Variants in NUBP1 observed in about 807,000 individuals in gnomAD.
The protein encoded by NUBP1 is cytosolic Fe-S cluster assembly factor NUBP1.
A neutral mutation model predicts 41.8 loss-of-function variants in NUBP1; 46 were observed. That is an observed-to-expected ratio of 1.10 (90% CI 0.87 to 1.41). NUBP1 has a LOEUF of 1.41. Among genes scored for constraint, NUBP1 ranks in the 40% most tolerant of loss-of-function variants. The probability of loss-of-function intolerance (pLI) is 0.00; values close to 1 mark genes in which losing one functional copy is unlikely to be tolerated. For missense variants in NUBP1, 494 were observed against 414.0 expected, an observed-to-expected ratio of 1.19 and a Z score of -1.68; for synonymous variants, 189 against 154.6, an observed-to-expected ratio of 1.22 and a Z score of -1.65.
rs747757783 is a variant in NUBP1 at position 10,747,135 on chromosome 16, C to A, written c.125-8C>A. On this transcript the variant is annotated splice_region_variant and splice_polypyrimidine_tract_variant and intron_variant, in intron 2 of 10. Transcript: ENST00000283027. ...ACCTCATCCCCTGAACTTTGGTTTT[C>A]TTTGCAGCTATAGAGGAAATCAAAG... 2.5e-6 allele frequency: 4 copies of A among 1,613,612 alleles called. No individual in the cohort carries two copies. The highest frequency in any genetic ancestry group is 2.5e-6 in the Non-Finnish European group (3 of 1,179,754).
chr16:10,752,339 G>A lies in NUBP1; in HGVS notation c.259-271G>A, dbSNP rs140459660. Among the ~76,000 whole-genome samples, 654 of 152,208 alleles carry A rather than the reference G, an allele frequency of 4.3e-3. 5 individuals carry two copies. Among genetic ancestry groups the A allele is most frequent in the African/African-American group, 0.015 (611 of 41,518 alleles). ...GGCTCAGTAAACAAGGTCTGAGCCCGAGCCTCCAAGTGACCTGACAGCCAG... is the reference window on the plus strand; with the variant it reads ...GGCTCAGTAAACAAGGTCTGAGCCCAAGCCTCCAAGTGACCTGACAGCCAG... On this transcript the variant is annotated intron_variant, in intron 3 of 10. Coordinates refer to ENST00000283027, the MANE Select transcript of NUBP1 (RefSeq NM_002484.4).
At position 10,749,134 on chromosome 16, in the gene NUBP1, C is replaced by G. The variant is rs797007826; in HGVS notation, c.258+1858C>G. On this transcript the variant is annotated intron_variant, in intron 3 of 10. Transcript: ENST00000283027. This position sits in a 1 kb window ranked among gnomAD's most constrained non-coding sequence, Gnocchi z 4.1. ...ATAGATACACAGACACATACACACA[C>G]ACACACACACACACACACACACACA... Among the ~76,000 whole-genome samples, 934 of 112,798 alleles carry G rather than the reference C, an allele frequency of 8.3e-3. 12 individuals are homozygous for G. Among genetic ancestry groups the G allele is most frequent in the African/African-American group, 0.029 (819 of 28,696 alleles). 74.0% of individuals were successfully genotyped at this position (112,798 alleles called of 152,430 possible).
chr16:10,753,423 CTGG>C (rs1259551116), intron 4 of NUBP1, among the ~76,000 whole-genome samples: 1 of 152,066 alleles, frequency 6.6e-6, no homozygotes, highest in Non-Finnish European at 1.5e-5. Context: ...GCGATGTGGG[CTGG>C]GGGCAGGGCT....
chr16:10,748,292 T>G (rs981122158), intron 3 of NUBP1, among the ~76,000 whole-genome samples: 2 of 152,180 alleles, frequency 1.3e-5, no homozygotes, highest in Admixed American at 1.3e-4. Flanking sequence ...TACCTACATA[T>G]GATCCTTGAT....
At chr16:10,756,036 GTGGGCCAGATT>G (rs1208253696) in intron 5 of NUBP1, among the ~76,000 whole-genome samples, 2 of 152,204 alleles carry the variant, frequency 1.3e-5, no homozygotes, top group Non-Finnish European at 2.9e-5. Context: ...AACACAGATG[GTGGGCCAGATT>G]TGGCCCTGAA....
In NUBP1 at chr16:10,757,504, C is replaced by T. The variant is rs1265699942; in HGVS notation, c.452-369C>T. On this transcript the variant is annotated intron_variant, in intron 6 of 10. Transcript: ENST00000283027. This position sits in a 1 kb window ranked among gnomAD's most constrained non-coding sequence, Gnocchi z 4.1. Reference sequence around the variant, plus strand: ...GGGGGGAGGAGTAGACCGTGTTCTACACCATAGGGTGTTAAACAGTGTCCC... The same window carrying T: ...GGGGGGAGGAGTAGACCGTGTTCTATACCATAGGGTGTTAAACAGTGTCCC... 6.6e-6 allele frequency among the ~76,000 whole-genome samples: 1 copy of T among 152,116 alleles called. No individual in the cohort carries two copies. Among genetic ancestry groups the T allele is most frequent in the Non-Finnish European group, 1.5e-5 (1 of 68,014 alleles).
rs1051818625 is a variant in NUBP1 at position 10,768,898 on chromosome 16, A to G, written c.905-149A>G. ...TGTGAGGTATTCCGGTCACTTTCAA[A>G]GACTCAGGGCATCACAGACACAGGT... On this transcript the variant is annotated intron_variant, in intron 10 of 10. Coordinates refer to ENST00000283027, the MANE Select transcript of NUBP1 (RefSeq NM_002484.4). This position sits in a 1 kb window ranked among gnomAD's most constrained non-coding sequence, Gnocchi z 4.3. 4.5e-6 allele frequency: 3 copies of G among 668,458 alleles called. No homozygotes were observed. The highest frequency in any genetic ancestry group is 7.9e-6 in the Non-Finnish European group (3 of 379,244). The allele number at this position is 668,458 out of a possible 1,614,324, so 41.4% of individuals were successfully genotyped here. A position where few individuals can be genotyped will look rare whatever the true frequency, so the allele number is the denominator to read the frequency against.
intron 4 of NUBP1, among the ~76,000 whole-genome samples, chr16:10,755,095 T>C (rs9937651): frequency 0.26 from 39,579 of 152,184 alleles, 5,360 homozygotes; most frequent in South Asian, 0.35. Flanking sequence ...TGCTTGTGAC[T>C]GTACAGAAAG....
rs1009518308 is a variant in NUBP1, at chr16:10,767,355, G to A, written c.821-594G>A. 1 of 399,728 alleles carries A rather than the reference G, an allele frequency of 2.5e-6. No individual in the cohort carries two copies. Among genetic ancestry groups the A allele is most frequent in the Non-Finnish European group, 4.4e-6 (1 of 226,916 alleles). 24.8% of individuals were successfully genotyped at this position (399,728 alleles called of 1,614,324 possible). The stretch of plus-strand genomic sequence containing the variant: ...ATGGCCACATGGCGGGGAAAGACTA[G>A]CAGACTGATAGACACCAGCACAGAT... On this transcript the variant is annotated intron_variant, in intron 9 of 10. Transcript: ENST00000283027. The surrounding 1 kb of genome is among the most constrained non-coding windows in gnomAD (Gnocchi z 4.6).
chr16:10,749,456 G>A lies in NUBP1; in HGVS notation c.258+2180G>A, dbSNP rs1814267. On this transcript the variant is annotated intron_variant, in intron 3 of 10. Coordinates refer to ENST00000283027, the MANE Select transcript of NUBP1 (RefSeq NM_002484.4). The surrounding 1 kb of genome is among the most constrained non-coding windows in gnomAD (Gnocchi z 4.1). ...GCTGCATGCCTGTCTAGACTTTGCA[G>A]TATACAGAAGGAAAGCACACCATTC... is the stretch of plus-strand genomic sequence containing the variant. 0.17 allele frequency among the ~76,000 whole-genome samples: 26,012 copies of A among 152,042 alleles called. 3,269 individuals are homozygous for A. The highest frequency in any genetic ancestry group is 0.35 in the African/African-American group (14,425 of 41,448).
chr16:10,745,762 T>C (rs2541465), intron 2 of NUBP1, among the ~76,000 whole-genome samples: 26,681 of 152,160 alleles, frequency 0.18, 3,466 homozygotes, highest in African/African-American at 0.36. Context: ...AAAGTAAACA[T>C]TCAAAAGAGG....
At chr16:10,747,706 G>A (rs763002483) in intron 3 of NUBP1, among the ~76,000 whole-genome samples, 2 of 152,198 alleles carry the variant, frequency 1.3e-5, no homozygotes, top group African/African-American at 4.8e-5. Flanking sequence ...AGAGAGCAAA[G>A]AAATGCCCAG....
chr16:10,755,867 A>G (rs1396106176), intron 5 of NUBP1, 114 bp downstream of exon 5: 4 of 975,594 alleles, frequency 4.1e-6, no homozygotes, highest in Non-Finnish European at 6.4e-6. Context: ...CGAGGCACAG[A>G]GGATGTGATT....
In NUBP1 at chr16:10,768,142, G is replaced by C; in HGVS notation, c.904+110G>C. On this transcript the variant is annotated intron_variant, in intron 10 of 10. Transcript: ENST00000283027. This position sits in a 1 kb window ranked among gnomAD's most constrained non-coding sequence, Gnocchi z 4.3. ...GGTGGTGGGGTCTGTGATGACCACA[G>C]AGTGGCCCCCATAGCCGAGGAAGCC... 1 of 949,472 alleles carries C rather than the reference G, an allele frequency of 1.1e-6. No homozygotes were observed. Among genetic ancestry groups the C allele is most frequent in the Non-Finnish European group, 1.6e-6 (1 of 610,172 alleles). 58.8% of individuals were successfully genotyped at this position (949,472 alleles called of 1,614,324 possible). A position where few individuals can be genotyped will look rare whatever the true frequency, so the allele number is the denominator to read the frequency against.
intron 2 of NUBP1, among the ~76,000 whole-genome samples, chr16:10,745,797 A>T (rs1018361502): frequency 6.6e-6 from 1 of 152,266 alleles, no homozygotes; most frequent in East Asian, 1.9e-4. Context: ...TTAATTAGGC[A>T]GACGTCTCAG....
At chr16:10,758,938 G>A (rs1197419845) in intron 7 of NUBP1, among the ~76,000 whole-genome samples, 2 of 152,196 alleles carry the variant, frequency 1.3e-5, no homozygotes, top group Admixed American at 6.5e-5. Context: ...CCTGCAGAGA[G>A]CAACTGCAGG....
rs374598413 is a variant in NUBP1 at position 10,757,151 on chromosome 16, A to G, written c.451+371A>G. Among the ~76,000 whole-genome samples, 32 of 152,210 alleles carry G rather than the reference A, an allele frequency of 2.1e-4. No homozygotes were observed. Among genetic ancestry groups the G allele is most frequent in the African/African-American group, 7.7e-4 (32 of 41,528 alleles). The stretch of plus-strand genomic sequence containing the variant: ...CCTGTCTCTACCAAAAACATAAAAA[A>G]TTAGCCGAGCATGGTGGCACGTACC... On this transcript the variant is annotated intron_variant, in intron 6 of 10. Coordinates refer to ENST00000283027, the MANE Select transcript of NUBP1 (RefSeq NM_002484.4). This position sits in a 1 kb window ranked among gnomAD's most constrained non-coding sequence, Gnocchi z 4.1.
In NUBP1 at chr16:10,766,427, C is replaced by A. The variant is rs765774406; in HGVS notation, c.821-1522C>A. Among the ~76,000 whole-genome samples, 1 of 152,112 alleles carries A rather than the reference C, an allele frequency of 6.6e-6. No homozygotes were observed. The highest frequency in any genetic ancestry group is 1.5e-5 in the Non-Finnish European group (1 of 68,018). Reference sequence around the variant, plus strand: ...GAAATGCAGTTAGGAAGGGAAAACACTAGAGCATATATGTGTGTTGGGGGC... The same window carrying A: ...GAAATGCAGTTAGGAAGGGAAAACAATAGAGCATATATGTGTGTTGGGGGC... On this transcript the variant is annotated intron_variant, in intron 9 of 10. Transcript: ENST00000283027. This position sits in a 1 kb window ranked among gnomAD's most constrained non-coding sequence, Gnocchi z 4.8.
rs114247833 is a variant in NUBP1, at chr16:10,761,877, G to T, written c.820+18G>T. The T allele has an allele frequency of 2.9e-3, 4,697 of 1,597,140 alleles. 134 individuals are homozygous for T. The African/African-American group carries it at 0.053, about 18-fold the overall frequency. ...GCTCATAGGTGGGTGACCCCAGTGT[G>T]GGGCGGCACCTCACTCCTCGGTCAG... On this transcript the variant is annotated intron_variant, in intron 9 of 10. Coordinates refer to ENST00000283027, the MANE Select transcript of NUBP1 (RefSeq NM_002484.4).
Sources: allele counts gnomAD v4.1 joint callset (sites outside exome capture counted in the v4.1 genomes callset), GRCh38; gene constraint gnomAD v4.1.1; non-coding constraint Gnocchi (gnomAD v3.1); transcripts MANE v1.5; gene names NCBI Gene and HGNC (gene_info 2026-07-23, HGNC 2026-07-21).